CACNA1D: variants seen among roughly 807,000 people sequenced by gnomAD.
CACNA1D encodes the protein calcium voltage-gated channel subunit alpha1 D.
A neutral mutation model predicts 257.1 loss-of-function variants in CACNA1D; 55 were observed. That is an observed-to-expected ratio of 0.21 (90% confidence interval 0.17 to 0.27). The LOEUF (loss-of-function observed/expected upper bound fraction) is 0.27. Ranked by LOEUF, CACNA1D falls within the 10% of genes least tolerant of loss-of-function variation. The pLI is 1.00. For synonymous variants in CACNA1D, 980 were observed against 1,014.9 expected (o/e 0.97, Z 0.65); for missense variants, 1,876 against 2,784.0 (o/e 0.67, Z 7.34).
intron 3 of CACNA1D, among the ~76,000 whole-genome samples, chr3:53,569,015 C>T (rs2092898397): frequency 6.6e-6 from 1 of 152,144 alleles, no homozygotes; most frequent in Non-Finnish European, 1.5e-5. Context: ...AATGCACTTT[C>T]TTCTCATCTT....
rs1553634136 is a variant in CACNA1D, at chr3:53,682,388, A to AAAAAC, written c.1220+9266_1220+9267insCAAAA. On this transcript the variant is annotated intron_variant, in intron 8 of 47. Coordinates refer to ENST00000350061, the MANE Select transcript of CACNA1D (RefSeq NM_001128840.3). ...GGTAAAAAAAAAAAAAAAAAAAAAA[A>AAAAAC]AAAAAAAACAGAAGTCTTTTTAGCT... Among the ~76,000 whole-genome samples the AAAAAC allele has an allele frequency of 3.6e-4, 48 of 134,114 alleles. 1 individual carries two copies. Among genetic ancestry groups the AAAAAC allele is most frequent in the African/African-American group, 1.2e-3 (44 of 36,258 alleles). 88.0% of individuals were successfully genotyped at this position (134,114 alleles called of 152,430 possible). A position where few individuals can be genotyped will look rare whatever the true frequency, so the allele number is the denominator to read the frequency against.
At position 53,665,829 on chromosome 3, in the gene CACNA1D, G is replaced by A. The variant is rs1349736751; in HGVS notation, c.919+17G>A. 1 of 1,605,982 alleles carries A rather than the reference G, an allele frequency of 6.2e-7. No individual in the cohort carries two copies. The highest frequency in any genetic ancestry group is 8.5e-7 in the Non-Finnish European group (1 of 1,174,658). On this transcript the variant is annotated intron_variant, in intron 6 of 47. Transcript: ENST00000350061. The stretch of plus-strand genomic sequence containing the variant: ...CTGACTCAGGTGAGTAATGAGAATT[G>A]TAGCTAACTTAACTTTAAAATTTTT...
intron 30 of CACNA1D, among the ~76,000 whole-genome samples, chr3:53,768,073 TGAA>T (rs1432672049): frequency 6.6e-6 from 1 of 152,238 alleles, no homozygotes; most frequent in Non-Finnish European, 1.5e-5. Flanking sequence ...AGATATCAGT[TGAA>T]GAGATGTACA....
chr3:53,693,480 A>G (rs1482784254), intron 8 of CACNA1D, among the ~76,000 whole-genome samples: 1 of 137,070 alleles, frequency 7.3e-6, no homozygotes, highest in African/African-American at 2.7e-5. Context: ...TTTTTTTTTT[A>G]CAAAATTCCT....
At chr3:53,725,527 C>G (rs1162460117) in intron 14 of CACNA1D, among the ~76,000 whole-genome samples, 1 of 152,160 alleles carries the variant, frequency 6.6e-6, no homozygotes, top group Non-Finnish European at 1.5e-5. Context: ...GACACACGTG[C>G]CCAAGTGCTC....
intron 20 of CACNA1D, among the ~76,000 whole-genome samples, chr3:53,738,731 G>A (rs1016517017): frequency 3.9e-5 from 6 of 152,020 alleles, no homozygotes; most frequent in Non-Finnish European, 8.8e-5. Flanking sequence ...TGTTTTGTAT[G>A]TTTTTTAACC....
At chr3:53,655,558 A>G (rs1435390272) in intron 4 of CACNA1D, among the ~76,000 whole-genome samples, 3 of 152,230 alleles carry the variant, frequency 2.0e-5, no homozygotes, top group Non-Finnish European at 4.4e-5. Context: ...CACTTCTCTA[A>G]CGATCAGTAA....
chr3:53,704,868 C>G (rs2094669758), intron 9 of CACNA1D, among the ~76,000 whole-genome samples: 1 of 152,212 alleles, frequency 6.6e-6, no homozygotes, highest in Admixed American at 6.5e-5. Context: ...GTTTATTTCT[C>G]CTCCTCTAGA....
In CACNA1D at chr3:53,723,837, C is replaced by T. The variant is rs1226007372; in HGVS notation, c.1938C>T (p.Ser646=). The change falls in exon 14 of 48, where the codon TCC becomes TCT. Residue 646 remains serine (S), a synonymous_variant. Transcript: ENST00000350061. This position sits in a 1 kb window ranked among gnomAD's most constrained non-coding sequence, Gnocchi z 5.6. ...ACTTAGTGGCATCCTTATTAAACTC[C>T]ATGAAGTCCATCGCTTCGCTGTTGC... ...LSNLVASLLN[S]MKSIASLLLL... 3 of 1,614,162 alleles carry T rather than the reference C, an allele frequency of 1.9e-6. No individual in the cohort carries two copies. The highest frequency in any genetic ancestry group is 1.7e-5 in the Admixed American group (1 of 60,014).
intron 43 of CACNA1D, 119 bp from the exon 44 acceptor site, chr3:53,803,304 G>A (rs1488648632): frequency 9.5e-7 from 1 of 1,049,332 alleles, no homozygotes. Context: ...TGAGGCAGGT[G>A]CGCGCTGGGA....
intron 3 of CACNA1D, among the ~76,000 whole-genome samples, chr3:53,647,550 C>T (rs1311215829): frequency 6.6e-6 from 1 of 152,190 alleles, no homozygotes; most frequent in Non-Finnish European, 1.5e-5. Context: ...TTTGGCTGGG[C>T]CCACAGTCCC....
chr3:53,692,464 C>T (rs1471309984), intron 8 of CACNA1D, among the ~76,000 whole-genome samples: 13 of 152,128 alleles, frequency 8.5e-5, no homozygotes, highest in Admixed American at 7.2e-4. Flanking sequence ...GTCTAGAGTA[C>T]ACAGTTCAAG....
At chr3:53,697,930 C>T (rs2094586788) in intron 8 of CACNA1D, among the ~76,000 whole-genome samples, 1 of 152,154 alleles carries the variant, frequency 6.6e-6, no homozygotes, top group South Asian at 2.1e-4. Context: ...CCCAGTTCTC[C>T]AAAGTCCCCT....
At chr3:53,788,109 A>G (rs2095465485) in intron 40 of CACNA1D, among the ~76,000 whole-genome samples, 2 of 151,824 alleles carry the variant, frequency 1.3e-5, no homozygotes, top group African/African-American at 2.4e-5. Flanking sequence ...GAGAGAGAGA[A>G]TATGAATATG....
At chr3:53,541,839 TAAGTG>T (rs1341848236) in intron 3 of CACNA1D, among the ~76,000 whole-genome samples, 1 of 152,052 alleles carries the variant, frequency 6.6e-6, no homozygotes. Flanking sequence ...TCTTTTACCA[TAAGTG>T]GGTATTACTC....
At chr3:53,700,404 T>C (rs2094611984) in intron 8 of CACNA1D, among the ~76,000 whole-genome samples, 1 of 152,182 alleles carries the variant, frequency 6.6e-6, no homozygotes, top group Non-Finnish European at 1.5e-5. Flanking sequence ...ATATAATTCA[T>C]TTTCCTGCAG....
chr3:53,661,832 T>C (rs1245585488), intron 5 of CACNA1D, among the ~76,000 whole-genome samples: 11 of 152,232 alleles, frequency 7.2e-5, no homozygotes, highest in Non-Finnish European at 1.6e-4. Flanking sequence ...ATTTCTTCCT[T>C]TCCCCAACAG....
chr3:53,615,958 A>G (rs896752906), intron 3 of CACNA1D, among the ~76,000 whole-genome samples: 5 of 151,984 alleles, frequency 3.3e-5, no homozygotes, highest in Non-Finnish European at 7.4e-5. Context: ...CAGTTCTCAT[A>G]CTTACCTGCT....
intron 3 of CACNA1D, among the ~76,000 whole-genome samples, chr3:53,576,191 G>A (rs1231919453): frequency 6.6e-6 from 1 of 152,128 alleles, no homozygotes; most frequent in Non-Finnish European, 1.5e-5. Flanking sequence ...GTTACCGTCT[G>A]TTTCCATCAC....
Sources: allele counts gnomAD v4.1 joint callset (sites outside exome capture counted in the v4.1 genomes callset), GRCh38; gene constraint gnomAD v4.1.1; non-coding constraint Gnocchi (gnomAD v3.1); transcripts MANE v1.5; gene names NCBI Gene and HGNC (gene_info 2026-07-23, HGNC 2026-07-21).